INPP4B: variants seen among roughly 807,000 people sequenced by gnomAD.
INPP4B encodes inositol polyphosphate-4-phosphatase type II B.
Under a neutral mutation model 122.5 loss-of-function variants are expected in INPP4B, and 55 were observed. The ratio of observed to expected loss-of-function variants is 0.45; its 90% CI spans 0.36 to 0.56. The LOEUF is 0.56. Ranked by LOEUF, INPP4B falls within the 20% of genes least tolerant of loss-of-function variation. The probability of loss-of-function intolerance (pLI) is 0.00; values close to 1 mark genes in which losing one functional copy is unlikely to be tolerated. For missense variants in INPP4B, 1,000 were observed against 1,097.7 expected (o/e 0.91, Z 1.26); for synonymous variants, 403 against 388.7 (o/e 1.04, Z -0.43).
chr4:142,633,736 G>C (rs376594882), intron 2 of INPP4B, among the ~76,000 whole-genome samples: 4 of 152,116 alleles, frequency 2.6e-5, no homozygotes, highest in African/African-American at 9.6e-5. Context: ...AAACACATTA[G>C]AGAATATCAA....
intron 1 of INPP4B, among the ~76,000 whole-genome samples, chr4:142,829,713 T>C (rs949966398): frequency 6.6e-6 from 1 of 152,132 alleles, no homozygotes; most frequent in African/African-American, 2.4e-5. Flanking sequence ...TGAAATTGTA[T>C]AACATTATCA....
intron 1 of INPP4B, among the ~76,000 whole-genome samples, chr4:142,744,912 T>C (rs1225509481): frequency 1.3e-5 from 2 of 151,786 alleles, no homozygotes; most frequent in East Asian, 1.9e-4. Flanking sequence ...GCAATAATCG[T>C]TTCACAAGGT....
At chr4:142,296,370 G>T (rs900290208) in intron 9 of INPP4B, among the ~76,000 whole-genome samples, 1 of 152,152 alleles carries the variant, frequency 6.6e-6, no homozygotes, top group Non-Finnish European at 1.5e-5. Context: ...GGAAATAAAA[G>T]AACTGATGAT....
chr4:142,112,715 T>C (rs201517312), intron 21 of INPP4B, 33 bp from the exon 22 acceptor site: 118 of 1,581,420 alleles, frequency 7.5e-5, no homozygotes, highest in Non-Finnish European at 9.0e-5. Context: ...GGAAGAAACA[T>C]TACTTATTTG....
At chr4:142,381,905 A>G (rs1052756500) in intron 7 of INPP4B, among the ~76,000 whole-genome samples, 2 of 151,840 alleles carry the variant, frequency 1.3e-5, no homozygotes. Flanking sequence ...CTTTTTGTCT[A>G]TTACAATTAA....
At chr4:142,610,064 C>A (rs1218485031) in intron 2 of INPP4B, among the ~76,000 whole-genome samples, 4 of 151,882 alleles carry the variant, frequency 2.6e-5, no homozygotes, top group Non-Finnish European at 5.9e-5. Flanking sequence ...TGGCTGTGTC[C>A]CCACCCAAAT....
intron 18 of INPP4B, among the ~76,000 whole-genome samples, chr4:142,144,689 A>G (rs903197822): frequency 1.3e-5 from 2 of 152,100 alleles, no homozygotes; most frequent in Non-Finnish European, 2.9e-5. Flanking sequence ...TGTTTTGCCT[A>G]TATGAATGTA....
chr4:142,644,238 G>A (rs1178385479), intron 2 of INPP4B, among the ~76,000 whole-genome samples: 4 of 145,328 alleles, frequency 2.8e-5, no homozygotes, highest in African/African-American at 1.0e-4. Context: ...GAAGGAGAAG[G>A]AGGAGAAAGA....
chr4:142,808,732 A>T (rs1433250084), intron 1 of INPP4B, among the ~76,000 whole-genome samples: 1 of 152,130 alleles, frequency 6.6e-6, no homozygotes, highest in Non-Finnish European at 1.5e-5. Context: ...GCCACATAAG[A>T]AATAACCTTT....
chr4:142,129,863 T>C lies in INPP4B; in HGVS notation c.1721-5103A>G, dbSNP rs189517394. Reference sequence around the variant, plus strand: ...CCCCCCCTCCTTTTTCATGACATCATGAGAAATGGACTCATTCATTGGACA... The same window carrying C: ...CCCCCCCTCCTTTTTCATGACATCACGAGAAATGGACTCATTCATTGGACA... On this transcript the variant is annotated intron_variant, in intron 18 of 25. Coordinates refer to ENST00000262992, the MANE Select transcript of INPP4B (RefSeq NM_001101669.3). Among the ~76,000 whole-genome samples the C allele has an allele frequency of 5.2e-4, 79 of 152,324 alleles. 1 individual carries two copies. The East Asian group carries it at 0.014, about 27-fold the overall frequency.
chr4:142,445,333 A>G (rs1812676243), intron 3 of INPP4B, among the ~76,000 whole-genome samples: 1 of 152,166 alleles, frequency 6.6e-6, no homozygotes, highest in Non-Finnish European at 1.5e-5. Flanking sequence ...AATAGAAAAG[A>G]ATAATTATTT....
At chr4:142,556,070 C>T (rs999732918) in intron 2 of INPP4B, among the ~76,000 whole-genome samples, 54 of 152,056 alleles carry the variant, frequency 3.6e-4, no homozygotes, top group Non-Finnish European at 4.7e-4. Flanking sequence ...TTTTAATTGA[C>T]AGGTAAGAAA....
intron 14 of INPP4B, among the ~76,000 whole-genome samples, chr4:142,207,755 A>G (rs1339174440): frequency 6.6e-6 from 1 of 152,210 alleles, no homozygotes; most frequent in Non-Finnish European, 1.5e-5. Flanking sequence ...CATAATTGCT[A>G]TAGCAATAAG....
chr4:142,175,835 T>A (rs779475191), intron 15 of INPP4B, among the ~76,000 whole-genome samples: 3 of 152,026 alleles, frequency 2.0e-5, no homozygotes, highest in Admixed American at 1.3e-4. Context: ...GTAAAGAAAA[T>A]GATTCTCTAA....
chr4:142,254,888 A>C (rs940137571), intron 11 of INPP4B, among the ~76,000 whole-genome samples: 17 of 152,122 alleles, frequency 1.1e-4, no homozygotes, highest in African/African-American at 3.9e-4. Flanking sequence ...GAGCAACTCC[A>C]AGACACATAA....
intron 10 of INPP4B, among the ~76,000 whole-genome samples, chr4:142,268,289 CT>C (rs1394816116): frequency 9.9e-6 from 1 of 100,852 alleles, no homozygotes; most frequent in Non-Finnish European, 1.9e-5. Context: ...CGCCACTGCA[CT>C]CTGGCCTGGG....
chr4:142,035,404 G>A (rs1032244804), intron 25 of INPP4B, among the ~76,000 whole-genome samples: 11 of 152,150 alleles, frequency 7.2e-5, no homozygotes, highest in East Asian at 3.9e-4. Context: ...GTGCACCTAC[G>A]TTGGCACCTT....
At chr4:142,137,235 T>C (rs1199871752) in intron 18 of INPP4B, among the ~76,000 whole-genome samples, 1 of 150,082 alleles carries the variant, frequency 6.7e-6, no homozygotes. Flanking sequence ...ACACCGCATA[T>C]CTACAACTAT....
rs569091837 is a variant in INPP4B at position 142,624,081 on chromosome 4, C to A, written c.-191+101758G>T. On this transcript the variant is annotated intron_variant, in intron 2 of 25. Transcript: ENST00000262992. ...TGATTTATAGTCCTTTGGGTATATA[C>A]CCAGTAATGGGATGGCTGGGTCAAA... is the stretch of plus-strand genomic sequence containing the variant. Among the ~76,000 whole-genome samples, 99 of 151,598 alleles carry A rather than the reference C, an allele frequency of 6.5e-4. 1 individual carries two copies. Among genetic ancestry groups the A allele is most frequent in the African/African-American group, 2.3e-3 (94 of 41,354 alleles).
Sources: allele counts gnomAD v4.1 joint callset (sites outside exome capture counted in the v4.1 genomes callset), GRCh38; gene constraint gnomAD v4.1.1; transcripts MANE v1.5; gene names NCBI Gene and HGNC (gene_info 2026-07-23, HGNC 2026-07-21).